The following RUNX1 variants were observed in gnomAD, a reference collection of about 807,000 sequenced individuals.
RUNX1 encodes the protein runt-related transcription factor 1.
Under a neutral mutation model 42.8 loss-of-function variants are expected in RUNX1, and 19 were observed. That is an observed-to-expected ratio of 0.44 (90% CI 0.31 to 0.65). The LOEUF (loss-of-function observed/expected upper bound fraction) is 0.65, where lower values mean the gene tolerates loss of function less well. RUNX1 is among the 30% of genes least tolerant of loss of function. The pLI, the probability that RUNX1 is intolerant of heterozygous loss-of-function variation, is 0.07. For synonymous variants in RUNX1, 271 were observed against 289.4 expected (o/e 0.94, Z 0.64); for missense variants, 528 against 672.0 (o/e 0.79, Z 2.37).
chr21:34,833,543 A>T (rs1428294743), intron 7 of RUNX1: 1 of 152,826 alleles, frequency 6.5e-6, no homozygotes, highest in South Asian at 2.1e-4. Context: ...CGAGAGGGGC[A>T]AAGAGCTACC....
chr21:34,953,642 T>G (rs894057526), intron 2 of RUNX1, among the ~76,000 whole-genome samples: 5 of 152,232 alleles, frequency 3.3e-5, no homozygotes, highest in African/African-American at 1.2e-4. Flanking sequence ...TTATTTTGTT[T>G]AAATGACTAC....
intron 6 of RUNX1, among the ~76,000 whole-genome samples, chr21:34,848,137 G>A (rs752951250): frequency 5.3e-5 from 8 of 152,146 alleles, no homozygotes; most frequent in Non-Finnish European, 1.2e-4. Context: ...TATTCAATCC[G>A]CACAATAATC....
intron 6 of RUNX1, among the ~76,000 whole-genome samples, chr21:34,837,698 C>T (rs550470247): frequency 1.2e-4 from 18 of 152,292 alleles, no homozygotes; most frequent in African/African-American, 3.8e-4. Flanking sequence ...ACAGGGAATT[C>T]GACCCTGGGT....
Position 34,788,608 on chromosome 21 carries a change from A to C in RUNX1, c.*3527T>G, listed in dbSNP as rs548011352. 19 of 233,350 alleles carry C rather than the reference A, an allele frequency of 8.1e-5. No individual in the cohort carries two copies. Among genetic ancestry groups the C allele is most frequent in the Admixed American group, 2.8e-4 (5 of 17,810 alleles). 14.5% of individuals were successfully genotyped at this position (233,350 alleles called of 1,614,324 possible). A position where few individuals can be genotyped will look rare whatever the true frequency, so the allele number is the denominator to read the frequency against. On this transcript the variant is annotated 3_prime_UTR_variant, in exon 9 of 9. Coordinates refer to ENST00000675419, the MANE Select transcript of RUNX1 (RefSeq NM_001754.5). ...AACAATATTTTATAATGAAGCTTAA[A>C]ATCTATTTACATACATAAATACAAT...
chr21:35,043,701 A>G (rs2059376557), intron 2 of RUNX1, among the ~76,000 whole-genome samples: 1 of 152,204 alleles, frequency 6.6e-6, no homozygotes, highest in Admixed American at 6.5e-5. Context: ...AAAGACATCT[A>G]TTGACTCATC....
At position 34,982,096 on chromosome 21, in the gene RUNX1, C is replaced by T. The variant is rs182737740; in HGVS notation, c.58+66746G>A. ...CAGACAGAAGGCACTTCATTTCATC[C>T]GCAGGTCACTAAATGCCTTTGTCCA... On this transcript the variant is annotated intron_variant, in intron 2 of 8. Transcript: ENST00000675419. Among the ~76,000 whole-genome samples, 251 of 152,270 alleles carry T rather than the reference C, an allele frequency of 1.6e-3. 1 individual carries two copies. The highest frequency in any genetic ancestry group is 2.1e-3 in the East Asian group (11 of 5,180).
At chr21:34,974,239 C>T (rs1422995344) in intron 2 of RUNX1, among the ~76,000 whole-genome samples, 2 of 152,032 alleles carry the variant, frequency 1.3e-5, no homozygotes, top group Non-Finnish European at 1.5e-5. Flanking sequence ...TTCTGAGATC[C>T]GAACAATAAG....
intron 2 of RUNX1, among the ~76,000 whole-genome samples, chr21:34,998,745 G>T (rs1237726880): frequency 5.9e-5 from 9 of 152,122 alleles, no homozygotes; most frequent in Non-Finnish European, 1.5e-5. Context: ...GTTTCACCGA[G>T]TTAGCCAGGA....
chr21:34,991,466 A>G (rs925488582), intron 2 of RUNX1, among the ~76,000 whole-genome samples: 1 of 152,210 alleles, frequency 6.6e-6, no homozygotes, highest in Admixed American at 6.5e-5. Context: ...CATAGCAGCT[A>G]CGGGCACTTG....
rs1204005874 is a variant in RUNX1 at position 34,792,942 on chromosome 21, C to A, written c.968-332G>T. On this transcript the variant is annotated intron_variant, in intron 8 of 8. Coordinates refer to ENST00000675419, the MANE Select transcript of RUNX1 (RefSeq NM_001754.5). The surrounding 1 kb of genome is among the most constrained non-coding windows in gnomAD (Gnocchi z 6.9). ...GGTCGGGGACCACTCAGGATGCCAC[C>A]TCCTGAGAGGACGGAGACCACCCAG... is the stretch of plus-strand genomic sequence containing the variant. Among the ~76,000 whole-genome samples the A allele has an allele frequency of 6.9e-6, 1 of 144,650 alleles. No individual in the cohort carries two copies. The highest frequency in any genetic ancestry group is 2.6e-5 in the African/African-American group (1 of 38,724). 94.9% of individuals were successfully genotyped at this position (144,650 alleles called of 152,430 possible).
intron 2 of RUNX1, among the ~76,000 whole-genome samples, chr21:35,037,943 C>T (rs537102915): frequency 4.2e-4 from 60 of 143,914 alleles, no homozygotes; most frequent in African/African-American, 1.5e-3. Flanking sequence ...TTTTTATCTT[C>T]ATACATGCCC....
intron 6 of RUNX1, among the ~76,000 whole-genome samples, chr21:34,850,559 G>T (rs554785551): frequency 6.6e-6 from 1 of 152,170 alleles, no homozygotes; most frequent in East Asian, 1.9e-4. Context: ...TACTGAACAG[G>T]ACCCATGTGT....
chr21:34,924,552 G>T (rs759310646), intron 2 of RUNX1, among the ~76,000 whole-genome samples: 46 of 152,140 alleles, frequency 3.0e-4, no homozygotes, highest in Non-Finnish European at 6.0e-4. Context: ...CAGTCATGGT[G>T]GTACAAACGA....
At chr21:34,793,250 G>A (rs1419216821) in intron 8 of RUNX1, among the ~76,000 whole-genome samples, 1 of 152,030 alleles carries the variant, frequency 6.6e-6, no homozygotes, top group Non-Finnish European at 1.5e-5. Flanking sequence ...CTACTGCCCA[G>A]GAGGATGGTA....
At chr21:34,996,488 C>G (rs2058997267) in intron 2 of RUNX1, among the ~76,000 whole-genome samples, 1 of 152,064 alleles carries the variant, frequency 6.6e-6, no homozygotes, top group African/African-American at 2.4e-5. Flanking sequence ...GTCTCTTTCT[C>G]AAACCCTGTT....
chr21:34,889,985 C>T (rs1178443563), intron 3 of RUNX1, among the ~76,000 whole-genome samples: 3 of 152,100 alleles, frequency 2.0e-5, no homozygotes. Context: ...ATTAAGCTCC[C>T]CGGCGCGGGG....
chr21:34,911,219 G>T (rs546420174), intron 2 of RUNX1, among the ~76,000 whole-genome samples: 1 of 152,190 alleles, frequency 6.6e-6, no homozygotes, highest in Non-Finnish European at 1.5e-5. Flanking sequence ...CCCAGGAGAA[G>T]AAGAGTAGGT....
intron 2 of RUNX1, among the ~76,000 whole-genome samples, chr21:35,047,857 C>T (rs184212616): frequency 9.2e-5 from 14 of 152,318 alleles, no homozygotes; most frequent in Non-Finnish European, 1.6e-4. Flanking sequence ...GGTCAGAGTG[C>T]GTGCCCCGAC....
intron 2 of RUNX1, among the ~76,000 whole-genome samples, chr21:34,922,368 C>A (rs750824148): frequency 8.5e-5 from 13 of 152,086 alleles, no homozygotes; most frequent in African/African-American, 2.4e-4. Flanking sequence ...TTATGTAATT[C>A]TTTTAATAGT....
Sources: allele counts gnomAD v4.1 joint callset (sites outside exome capture counted in the v4.1 genomes callset), GRCh38; gene constraint gnomAD v4.1.1; non-coding constraint Gnocchi (gnomAD v3.1); transcripts MANE v1.5; gene names NCBI Gene and HGNC (gene_info 2026-07-23, HGNC 2026-07-21).